The following FGFR2 variants were observed in gnomAD, a reference collection of about 807,000 sequenced individuals.
FGFR2 encodes BEK fibroblast growth factor receptor.
FGFR2 carries 19 observed loss-of-function variants against 95.9 expected under a neutral mutation model. The ratio of observed to expected loss-of-function variants is 0.20; its 90% confidence interval spans 0.14 to 0.29. The LOEUF is 0.29. Ranked by LOEUF, FGFR2 falls within the 10% of genes least tolerant of loss-of-function variation. The pLI, the probability that FGFR2 is intolerant of heterozygous loss-of-function variation, is 1.00. For synonymous variants in FGFR2, 392 were observed against 393.3 expected (o/e 1.00, Z 0.04); for missense variants, 707 against 1,056.9 (o/e 0.67, Z 4.59).
At chr10:121,488,646 G>A (rs1296750295) in intron 13 of FGFR2, among the ~76,000 whole-genome samples, 1 of 152,016 alleles carries the variant, frequency 6.6e-6, no homozygotes. Flanking sequence ...ATCACGACAT[G>A]TATTTGTTTT....
Position 121,503,949 on chromosome 10 carries a change from C to T in FGFR2, c.1288-8G>A, listed in dbSNP as rs779511951. ...GCTGGACTCAGCCGAAACCTGGATACAAAATGCAAAGACACAGATGTAATC... is the reference window on the plus strand; with the variant it reads ...GCTGGACTCAGCCGAAACCTGGATATAAAATGCAAAGACACAGATGTAATC... On this transcript the variant is annotated splice_region_variant and splice_polypyrimidine_tract_variant and intron_variant, in intron 9 of 17. Transcript: ENST00000358487. The T allele has an allele frequency of 1.9e-5, 31 of 1,613,820 alleles. No homozygotes were observed. Among genetic ancestry groups the T allele is most frequent in the Non-Finnish European group, 2.6e-5 (31 of 1,179,958 alleles).
At position 121,565,610 on chromosome 10, in the gene FGFR2, G is replaced by T. The variant is rs747982371; in HGVS notation, c.204C>A (p.Ala68=). ...CCCCATCCTTAGTCCAACTGATCAC[G>T]GCGGCATCTTTCAACAGGCAGCGCA... The part of the protein sequence containing the change: ...LEVRCLLKDA[A]VISWTKDGVH... The change falls in exon 3 of 18, where the codon GCC becomes GCA. Residue 68 remains alanine (A), a synonymous_variant. Transcript: ENST00000358487. 6.2e-7 allele frequency: 1 copy of T among 1,614,192 alleles called. No individual in the cohort carries two copies. The highest frequency in any genetic ancestry group is 8.5e-7 in the Non-Finnish European group (1 of 1,180,030).
At chr10:121,596,036 G>A (rs1863385583) in intron 1 of FGFR2, among the ~76,000 whole-genome samples, 2 of 152,252 alleles carry the variant, frequency 1.3e-5, no homozygotes, top group African/African-American at 4.8e-5. Flanking sequence ...CCCAGGCTCG[G>A]TGTTGGGAAT....
At chr10:121,480,403 G>GA in intron 17 of FGFR2, 64 of 305,886 alleles carry the variant, frequency 2.1e-4, no homozygotes, top group South Asian at 8.4e-4. Context: ...AACCCGCTGA[G>GA]TCTACACCAC....
In FGFR2 at chr10:121,558,603, G is replaced by GTTT. The variant is rs200830608; in HGVS notation, c.454+5896_454+5898dup. 3.8e-4 allele frequency among the ~76,000 whole-genome samples: 56 copies of GTTT among 148,332 alleles called. 2 individuals carry two copies. The highest frequency in any genetic ancestry group is 1.3e-3 in the African/African-American group (51 of 38,966). On this transcript the variant is annotated intron_variant, in intron 4 of 17. Transcript: ENST00000358487. ...GTACAACATGATGTTAATAGATACA[G>GTTT]TTTTTTGTTTTTTTTTTTTTTTGAG...
intron 9 of FGFR2, among the ~76,000 whole-genome samples, chr10:121,514,254 C>T (rs1434944568): frequency 2.0e-5 from 3 of 152,304 alleles, no homozygotes; most frequent in South Asian, 2.1e-4. Flanking sequence ...CTTTTGTAAA[C>T]GTTCTGCATC....
chr10:121,496,059 G>T (rs1564874027), intron 13 of FGFR2, among the ~76,000 whole-genome samples: 1 of 152,010 alleles, frequency 6.6e-6, no homozygotes, highest in Non-Finnish European at 1.5e-5. Context: ...AGGACGCAAG[G>T]TTACTAAAAT....
chr10:121,573,126 C>G (rs1318249635), intron 2 of FGFR2, among the ~76,000 whole-genome samples: 4 of 152,218 alleles, frequency 2.6e-5, no homozygotes, highest in Admixed American at 2.6e-4. Flanking sequence ...TTCAGACTGT[C>G]ACTTTTTATA....
At chr10:121,508,794 G>T (rs1848649556) in intron 9 of FGFR2, among the ~76,000 whole-genome samples, 1 of 152,222 alleles carries the variant, frequency 6.6e-6, no homozygotes, top group Non-Finnish European at 1.5e-5. Flanking sequence ...CAAAGTCTAA[G>T]AAACTATAGA....
intron 2 of FGFR2, among the ~76,000 whole-genome samples, chr10:121,571,283 C>T (rs1858653142): frequency 7.3e-6 from 1 of 137,580 alleles, no homozygotes; most frequent in African/African-American, 2.7e-5. Flanking sequence ...GCGTGAGCCA[C>T]CGTGCCTGGC....
intron 2 of FGFR2, among the ~76,000 whole-genome samples, chr10:121,578,774 G>A (rs1221669768): frequency 6.6e-6 from 1 of 152,230 alleles, no homozygotes; most frequent in Non-Finnish European, 1.5e-5. Context: ...GCCAGGTCTG[G>A]TGGCAGGAGC....
chr10:121,487,520 T>C, intron 14 of FGFR2, 96 bp from the exon 15 acceptor site: 1 of 1,000,722 alleles, frequency 1.0e-6, no homozygotes. Context: ...GAGCTGATAT[T>C]CTCGGTTTTT....
chr10:121,586,410 T>C (rs1056792230), intron 2 of FGFR2, among the ~76,000 whole-genome samples: 10 of 152,208 alleles, frequency 6.6e-5, no homozygotes, highest in Non-Finnish European at 1.3e-4. Context: ...CTGAAATGAA[T>C]TGGAATTTAC....
At chr10:121,590,963 G>C (rs1862537337) in intron 2 of FGFR2, among the ~76,000 whole-genome samples, 1 of 151,388 alleles carries the variant, frequency 6.6e-6, no homozygotes, top group Non-Finnish European at 1.5e-5. Flanking sequence ...AGGGGCACAG[G>C]CACGCACGCA....
chr10:121,559,639 C>A (rs1856668424), intron 4 of FGFR2, among the ~76,000 whole-genome samples: 1 of 152,216 alleles, frequency 6.6e-6, no homozygotes, highest in African/African-American at 2.4e-5. Flanking sequence ...TAACACTAGC[C>A]CTTAATCACT....
rs556499696 is a variant in FGFR2 at position 121,580,603 on chromosome 10, C to A, written c.109+13106G>T. ...TCGGGTGGGCGGGACACGGTCCCAG[C>A]TGGTTTTGCACCGCAGGACCCAAGG... On this transcript the variant is annotated intron_variant, in intron 2 of 17. Transcript: ENST00000358487. Among the ~76,000 whole-genome samples, 59 of 152,268 alleles carry A rather than the reference C, an allele frequency of 3.9e-4. No individual in the cohort carries two copies. In the East Asian group the frequency reaches 0.011, roughly 28 times the overall value.
rs141253851 is a variant in FGFR2 at position 121,487,374 on chromosome 10, T to C, written c.2037A>G (p.Val679=). 7 of 1,613,964 alleles carry C rather than the reference T, an allele frequency of 4.3e-6. No homozygotes were observed. The highest frequency in any genetic ancestry group is 2.2e-5 in the East Asian group (1 of 44,882). The change falls in exon 15 of 18, where the codon GTA becomes GTG. Residue 679 remains valine (V), a synonymous_variant. Coordinates refer to ENST00000358487, the MANE Select transcript of FGFR2 (RefSeq NM_000141.5). ...WMAPEALFDR[V]YTHQSDVWSF... is the part of the protein sequence containing the mutation. ...CTCACACATCACTCTGATGAGTGTA[T>C]ACTCTATCAAACAGGGCTTCTGGAG...
rs145420360 is a variant in FGFR2 at position 121,518,476 on chromosome 10, G to C, written c.940-1013C>G. Among the ~76,000 whole-genome samples, 230 of 152,266 alleles carry C rather than the reference G, an allele frequency of 1.5e-3. 1 individual carries two copies. Among genetic ancestry groups the C allele is most frequent in the African/African-American group, 4.9e-3 (205 of 41,554 alleles). On this transcript the variant is annotated intron_variant, in intron 7 of 17. Coordinates refer to ENST00000358487, the MANE Select transcript of FGFR2 (RefSeq NM_000141.5). The surrounding 1 kb of genome is among the most constrained non-coding windows in gnomAD (Gnocchi z 4.0). ...TGGAGGCTAATCTCTAGAAGAAATT[G>C]GAGCAAGCACTTTGAACGTTGTGGG...
Position 121,485,333 on chromosome 10 carries a change from G to T in FGFR2, c.2195+62C>A. 6.2e-7 allele frequency: 1 copy of T among 1,605,520 alleles called. No individual in the cohort carries two copies. On this transcript the variant is annotated intron_variant, in intron 16 of 17. Coordinates refer to ENST00000358487, the MANE Select transcript of FGFR2 (RefSeq NM_000141.5). The surrounding 1 kb of genome is among the most constrained non-coding windows in gnomAD (Gnocchi z 4.2). ...GGCCTTCAAAAACGAGATACATCAG[G>T]AGAGGTATTACTGGTGTGGCAAGTC...
Sources: allele counts gnomAD v4.1 joint callset (sites outside exome capture counted in the v4.1 genomes callset), GRCh38; gene constraint gnomAD v4.1.1; non-coding constraint Gnocchi (gnomAD v3.1); transcripts MANE v1.5; gene names NCBI Gene and HGNC (gene_info 2026-07-23, HGNC 2026-07-21).